NCAPG2: variants seen among roughly 807,000 people sequenced by gnomAD.
NCAPG2 encodes non-SMC condensin II complex subunit G2, also known as condensin-2 complex subunit G2.
Under a neutral mutation model 141.1 loss-of-function variants are expected in NCAPG2, and 53 were observed. That is an observed-to-expected ratio of 0.38 (90% confidence interval 0.30 to 0.47). The LOEUF (loss-of-function observed/expected upper bound fraction) is 0.47. Ranked by LOEUF, NCAPG2 falls within the 20% of genes least tolerant of loss-of-function variation. The pLI, the probability that NCAPG2 is intolerant of heterozygous loss-of-function variation, is 0.99. For synonymous variants in NCAPG2, 499 were observed against 490.7 expected (o/e 1.02, Z -0.22); for missense variants, 1,087 against 1,389.0 (o/e 0.78, Z 3.46).
chr7:158,667,416 CT>C lies in NCAPG2; in HGVS notation c.1480-2667del, dbSNP rs1250260318. On this transcript the variant is annotated intron_variant, in intron 13 of 27. Coordinates refer to ENST00000356309, the MANE Select transcript of NCAPG2 (RefSeq NM_017760.7). ...TGGGTCCCTCCGCCCTCCTTACCCA[CT>C]ACTGGGTCCCTCCGCCCTCCTTACC... is the stretch of plus-strand genomic sequence containing the variant. Among the ~76,000 whole-genome samples, 9 of 50,580 alleles carry C rather than the reference CT, an allele frequency of 1.8e-4. 1 individual carries two copies. The highest frequency in any genetic ancestry group is 5.5e-4 in the East Asian group (1 of 1,804). The allele number at this position is 50,580 out of a possible 152,430, so 33.2% of individuals were successfully genotyped here. A position where few individuals can be genotyped will look rare whatever the true frequency, so the allele number is the denominator to read the frequency against.
chr7:158,670,945 G>C (rs1392100572), intron 13 of NCAPG2, among the ~76,000 whole-genome samples: 1 of 152,104 alleles, frequency 6.6e-6, no homozygotes, highest in Non-Finnish European at 1.5e-5. Context: ...ATGAAGTCAA[G>C]AACATTATAA....
chr7:158,680,395 G>T (rs1232022548), intron 10 of NCAPG2, among the ~76,000 whole-genome samples: 1 of 152,102 alleles, frequency 6.6e-6, no homozygotes, highest in African/African-American at 2.4e-5. Context: ...CAAGGATCTG[G>T]ACAGCCCTGG....
At chr7:158,667,463 C>A (rs1833147990) in intron 13 of NCAPG2, among the ~76,000 whole-genome samples, 1 of 119,812 alleles carries the variant, frequency 8.3e-6, no homozygotes, top group African/African-American at 3.3e-5. Flanking sequence ...TCCCTCCGCC[C>A]GCCTTACCCA....
intron 27 of NCAPG2, among the ~76,000 whole-genome samples, chr7:158,637,829 C>G (rs994836938): frequency 1.3e-5 from 2 of 152,140 alleles, no homozygotes; most frequent in Non-Finnish European, 2.9e-5. Context: ...AATAACCCAT[C>G]GTGCCAACTC....
At chr7:158,682,790 G>A (rs1834523488) in intron 9 of NCAPG2, among the ~76,000 whole-genome samples, 1 of 152,104 alleles carries the variant, frequency 6.6e-6, no homozygotes, top group Non-Finnish European at 1.5e-5. Flanking sequence ...TGGCACTGAT[G>A]ATAGAATCTT....
intron 18 of NCAPG2, 31 bp downstream of exon 18, chr7:158,656,521 C>G (rs1831990769): frequency 6.2e-7 from 1 of 1,612,390 alleles, no homozygotes; most frequent in Non-Finnish European, 8.5e-7. Flanking sequence ...CCTCACTCAC[C>G]TAATTTTAAG....
At position 158,655,121 on chromosome 7, in the gene NCAPG2, G is replaced by T; in HGVS notation, c.2643C>A (p.Ile881=). 3 of 1,608,486 alleles carry T rather than the reference G, an allele frequency of 1.9e-6. No individual in the cohort carries two copies. The highest frequency in any genetic ancestry group is 2.5e-6 in the Non-Finnish European group (3 of 1,178,648). Residue 881 remains isoleucine, a synonymous_variant, in exon 21 of 28, where the codon ATC becomes ATA. Transcript: ENST00000356309. ...TCTGTGTCTTAAGACTTCTAACCTG[G>T]ATAATTTGCTGATAAATGACCCTAT... ...KLHRVIYQQI[I]QTYLTVCKDV...
intron 27 of NCAPG2, among the ~76,000 whole-genome samples, chr7:158,636,535 G>A (rs1830212600): frequency 6.6e-6 from 1 of 151,410 alleles, no homozygotes; most frequent in Non-Finnish European, 1.5e-5. Flanking sequence ...CCAAGTAGCT[G>A]AGATTACAGG....
At chr7:158,704,385 C>T (rs1836029026) in intron 1 of NCAPG2, among the ~76,000 whole-genome samples, 2 of 151,976 alleles carry the variant, frequency 1.3e-5, no homozygotes, top group East Asian at 1.9e-4. Context: ...GAGGGCAGTG[C>T]CCATGCCCAG....
chr7:158,659,840 G>C (rs1188216579), intron 16 of NCAPG2, among the ~76,000 whole-genome samples: 1 of 152,224 alleles, frequency 6.6e-6, no homozygotes, highest in Non-Finnish European at 1.5e-5. Flanking sequence ...GGCTGGGCAC[G>C]GTGGCTCACG....
At chr7:158,652,216 G>C (rs1049502991) in intron 23 of NCAPG2, 77 bp downstream of exon 23, 2 of 1,404,008 alleles carry the variant, frequency 1.4e-6, no homozygotes, top group Non-Finnish European at 2.0e-6. Context: ...GCACAGCCAG[G>C]GCTGATGCAT....
chr7:158,687,895 G>A (rs143495056), intron 6 of NCAPG2, among the ~76,000 whole-genome samples: 2 of 152,120 alleles, frequency 1.3e-5, no homozygotes, highest in African/African-American at 4.8e-5. Flanking sequence ...AAAAGGCTAA[G>A]TGTTTGTCAA....
chr7:158,693,609 T>G, intron 2 of NCAPG2, 112 bp from the exon 3 acceptor site: 3 of 949,748 alleles, frequency 3.2e-6, no homozygotes, highest in Non-Finnish European at 4.6e-6. Context: ...AGTTCAAGAG[T>G]TTGGTTGCAG....
At chr7:158,661,056 C>T (rs528572597) in intron 16 of NCAPG2, among the ~76,000 whole-genome samples, 1 of 152,282 alleles carries the variant, frequency 6.6e-6, no homozygotes, top group Non-Finnish European at 1.5e-5. Flanking sequence ...ATTACCCAGT[C>T]TCAGGTATGT....
chr7:158,680,226 G>A (rs1187000854), intron 10 of NCAPG2, 141 bp from the exon 11 acceptor site: 2 of 991,726 alleles, frequency 2.0e-6, no homozygotes, highest in East Asian at 2.6e-5. Flanking sequence ...CGTTTAAATT[G>A]ACCAAACATT....
At chr7:158,656,156 C>T (rs1831956158) in intron 19 of NCAPG2, 104 bp downstream of exon 19, 1 of 1,388,194 alleles carries the variant, frequency 7.2e-7, no homozygotes, top group Non-Finnish European at 9.9e-7. Context: ...AATTCTGTTC[C>T]AGCCAGAACA....
At position 158,645,605 on chromosome 7, in the gene NCAPG2, T is replaced by A; in HGVS notation, c.3194A>T (p.Glu1065Val). 6.2e-7 allele frequency: 1 copy of A among 1,614,124 alleles called. No individual in the cohort carries two copies. The highest frequency in any genetic ancestry group is 1.3e-5 in the African/African-American group (1 of 75,042). The part of the protein sequence containing the change: ...SSNVVRSFLD[E>V]LKACVASNDI... ...ATTAGAAGCCACACATGCCTTTAAT[T>A]CATCCAAAAATGACCTGCAAAAAAA... is the stretch of plus-strand genomic sequence containing the variant. Residue 1065 changes from glutamate to valine, a missense_variant, in exon 26 of 28, where the codon GAA becomes GTA. Physicochemically the swap from Glu to Val is moderately radical, Grantham distance 121. Coordinates refer to ENST00000356309, the MANE Select transcript of NCAPG2 (RefSeq NM_017760.7).
At chr7:158,698,377 G>T (rs760020816) in intron 2 of NCAPG2, among the ~76,000 whole-genome samples, 2 of 152,162 alleles carry the variant, frequency 1.3e-5, no homozygotes, top group Non-Finnish European at 2.9e-5. Flanking sequence ...ACAACTTCCA[G>T]TTGTGCCAGC....
In NCAPG2 at chr7:158,692,853, A is replaced by G. The variant is rs747420967; in HGVS notation, c.371T>C (p.Ile124Thr). ...ENYEALLECV[I>T]ILNGILYALP... is the part of the protein sequence containing the mutation. ...CAAAATCAACTCACCATTTAATATA[A>G]TAACACATTCCAGTAGGGCTTCGTA... Residue 124 changes from isoleucine (I) to threonine (T), a missense_variant, in exon 4 of 28, where the codon ATT (isoleucine) becomes ACT (threonine). Coordinates refer to ENST00000356309, the MANE Select transcript of NCAPG2 (RefSeq NM_017760.7). The G allele has an allele frequency of 7.1e-6, 11 of 1,550,174 alleles. No homozygotes were observed. Among genetic ancestry groups the G allele is most frequent in the Non-Finnish European group, 9.7e-6 (11 of 1,128,890 alleles).
Sources: allele counts gnomAD v4.1 joint callset (sites outside exome capture counted in the v4.1 genomes callset), GRCh38; gene constraint gnomAD v4.1.1; transcripts MANE v1.5; gene names NCBI Gene and HGNC (gene_info 2026-07-23, HGNC 2026-07-21).